The following TANC2 variants were observed in gnomAD, a reference collection of about 807,000 sequenced individuals.
TANC2 encodes the protein protein TANC2.
Under a neutral mutation model 210.5 loss-of-function variants are expected in TANC2, and 26 were observed. The ratio of observed to expected loss-of-function variants is 0.12; its 90% confidence interval spans 0.09 to 0.17. The LOEUF (loss-of-function observed/expected upper bound fraction) is 0.17. Ranked by LOEUF, TANC2 falls within the 10% of genes least tolerant of loss-of-function variation. The pLI, the probability that TANC2 is intolerant of heterozygous loss-of-function variation, is 1.00. For synonymous variants in TANC2, 931 were observed against 967.1 expected, an observed-to-expected ratio of 0.96 and a Z score of 0.69; for missense variants, 2,129 against 2,608.9, an observed-to-expected ratio of 0.82 and a Z score of 4.01.
At chr17:63,009,075 T>TTGTAC (rs1277532419) in intron 1 of TANC2, among the ~76,000 whole-genome samples, 1 of 152,162 alleles carries the variant, frequency 6.6e-6, no homozygotes, top group Non-Finnish European at 1.5e-5. Flanking sequence ...AGTTACAGTT[T>TTGTAC]TGTACTATAT....
At chr17:63,052,086 A>G (rs1176925673) in intron 2 of TANC2, among the ~76,000 whole-genome samples, 1 of 152,170 alleles carries the variant, frequency 6.6e-6, no homozygotes, top group South Asian at 2.1e-4. Context: ...CAGAAAGTCT[A>G]TGTAGGAAGA....
chr17:63,059,688 GT>G (rs2035926924), intron 2 of TANC2, among the ~76,000 whole-genome samples: 2 of 151,088 alleles, frequency 1.3e-5, no homozygotes, highest in Non-Finnish European at 2.9e-5. Flanking sequence ...TTAGTGTTTT[GT>G]TTTGTTTTTT....
chr17:63,360,942 A>G (rs2046939955), intron 14 of TANC2, among the ~76,000 whole-genome samples: 1 of 152,226 alleles, frequency 6.6e-6, no homozygotes, highest in Non-Finnish European at 1.5e-5. Flanking sequence ...AATGACCTCC[A>G]GTTCCATCCA....
chr17:63,156,543 G>C (rs1389882071), intron 5 of TANC2, among the ~76,000 whole-genome samples: 2 of 152,104 alleles, frequency 1.3e-5, no homozygotes, highest in Admixed American at 6.6e-5. Flanking sequence ...TGGCCTATCA[G>C]GATATGAAGT....
In TANC2 at chr17:63,412,835, G is replaced by A. The variant is rs56182741; in HGVS notation, c.3928+126G>A. The A allele has an allele frequency of 0.09, 107,440 of 1,200,104 alleles. 5,587 individuals are homozygous for A. Among genetic ancestry groups the A allele is most frequent in the Admixed American group, 0.14 (4,708 of 32,538 alleles). 74.3% of individuals were successfully genotyped at this position (1,200,104 alleles called of 1,614,324 possible). A position where few individuals can be genotyped will look rare whatever the true frequency, so the allele number is the denominator to read the frequency against. On this transcript the variant is annotated intron_variant, in intron 24 of 27. Transcript: ENST00000689528. This position sits in a 1 kb window ranked among gnomAD's most constrained non-coding sequence, Gnocchi z 4.2. ...TCTTTTAATTTACTTCACCTTAAAA[G>A]AAGATTTTTTTTAATGACTGTTGTA...
intron 3 of TANC2, among the ~76,000 whole-genome samples, chr17:63,082,114 T>C (rs2144724932): frequency 6.6e-6 from 1 of 152,240 alleles, no homozygotes; most frequent in East Asian, 1.9e-4. Flanking sequence ...GAGCTTGCAG[T>C]GAGCCAAGGT....
At chr17:63,098,558 T>C (rs1271406514) in intron 3 of TANC2, among the ~76,000 whole-genome samples, 1 of 148,456 alleles carries the variant, frequency 6.7e-6, no homozygotes, top group African/African-American at 2.5e-5. Flanking sequence ...TATATATAAT[T>C]TTATACCATA....
At chr17:63,167,152 C>T (rs2040237416) in intron 5 of TANC2, among the ~76,000 whole-genome samples, 1 of 152,122 alleles carries the variant, frequency 6.6e-6, no homozygotes, top group African/African-American at 2.4e-5. Context: ...TAACTTTGAT[C>T]TAAGTTTGAA....
intron 12 of TANC2, among the ~76,000 whole-genome samples, chr17:63,343,101 G>A (rs2046292328): frequency 6.6e-6 from 1 of 152,088 alleles, no homozygotes; most frequent in African/African-American, 2.4e-5. Flanking sequence ...CAAGCAAAAT[G>A]GTAGATGTAT....
At chr17:63,174,953 TATAA>T (rs964098911) in intron 5 of TANC2, among the ~76,000 whole-genome samples, 51 of 152,246 alleles carry the variant, frequency 3.3e-4, no homozygotes, top group African/African-American at 1.2e-3. Context: ...CACTAAAAAT[TATAA>T]ATAAACATTG....
chr17:63,122,784 T>C lies in TANC2; in HGVS notation c.322+23427T>C, dbSNP rs545882452. 2.6e-5 allele frequency among the ~76,000 whole-genome samples: 4 copies of C among 152,294 alleles called. No individual in the cohort carries two copies. The South Asian group carries it at 6.2e-4, about 24-fold the overall frequency. On this transcript the variant is annotated intron_variant, in intron 4 of 27. Transcript: ENST00000689528. ...ATTATGGAAACATAATTTACTCAGA[T>C]TCCCCAGATAAATTATACTTTGCTT...
chr17:63,132,853 G>T (rs1326425617), intron 4 of TANC2, among the ~76,000 whole-genome samples: 1 of 152,146 alleles, frequency 6.6e-6, no homozygotes, highest in East Asian at 1.9e-4. Context: ...CTTTGAAAAT[G>T]CCTCAATAGT....
chr17:63,336,313 T>A (rs2046026327), intron 11 of TANC2, among the ~76,000 whole-genome samples: 1 of 152,224 alleles, frequency 6.6e-6, no homozygotes, highest in African/African-American at 2.4e-5. Flanking sequence ...GAAATTAGAA[T>A]TTTATTTCCA....
intron 2 of TANC2, among the ~76,000 whole-genome samples, chr17:63,049,795 A>T (rs76044801): frequency 0.011 from 1,741 of 152,296 alleles, 33 homozygotes; most frequent in African/African-American, 0.04. Context: ...CAGGTTAGTC[A>T]TGAGGGTGGC....
exon 28 of TANC2, chr17:63,426,561 TGTGGCCACATG>T (rs1311161758): frequency 6.6e-6 from 1 of 152,242 alleles, no homozygotes; most frequent in Non-Finnish European, 1.5e-5. Context: ...CTGAGATGCT[TGTGGCCACATG>T]GTGGCCACAG....
At chr17:62,976,214 T>C (rs1367288051) in intron 1 of TANC2, among the ~76,000 whole-genome samples, 1 of 152,204 alleles carries the variant, frequency 6.6e-6, no homozygotes, top group Non-Finnish European at 1.5e-5. Flanking sequence ...TAATCCTTTC[T>C]ATAAAATCTC....
chr17:63,016,799 A>G (rs567168198), intron 2 of TANC2, among the ~76,000 whole-genome samples: 3 of 152,104 alleles, frequency 2.0e-5, no homozygotes, highest in Admixed American at 2.0e-4. Flanking sequence ...CTTTTCCCTA[A>G]TGATTAGTGA....
chr17:63,132,962 A>T (rs180682217), intron 4 of TANC2, among the ~76,000 whole-genome samples: 72 of 152,178 alleles, frequency 4.7e-4, no homozygotes, highest in African/African-American at 1.7e-3. Flanking sequence ...TGCAAATAGT[A>T]GCAGGGGTTT....
At chr17:63,298,909 C>T (rs2044621617) in intron 9 of TANC2, among the ~76,000 whole-genome samples, 1 of 152,046 alleles carries the variant, frequency 6.6e-6, no homozygotes, top group African/African-American at 2.4e-5. Context: ...TCCTAATGCT[C>T]TTCCTCCCCT....
Sources: allele counts gnomAD v4.1 joint callset (sites outside exome capture counted in the v4.1 genomes callset), GRCh38; gene constraint gnomAD v4.1.1; non-coding constraint Gnocchi (gnomAD v3.1); transcripts MANE v1.5; gene names NCBI Gene and HGNC (gene_info 2026-07-23, HGNC 2026-07-21).